C3orf70: variants seen among roughly 807,000 people sequenced by gnomAD.
The protein encoded by C3orf70 is UPF0524 protein C3orf70.
C3orf70 carries 15 observed loss-of-function variants against 20.7 expected under a neutral mutation model. The observed-to-expected ratio is 0.72, with a 90% CI of 0.48 to 1.11. C3orf70 has a LOEUF of 1.11. Among genes scored for constraint, C3orf70 ranks in the 50% most tolerant of loss-of-function variants. The probability of loss-of-function intolerance (pLI) is 0.00; values close to 1 mark genes in which losing one functional copy is unlikely to be tolerated. For synonymous variants in C3orf70, 161 were observed against 125.7 expected (o/e 1.28, Z -1.88); for missense variants, 332 against 317.6 (o/e 1.05, Z -0.34).
At chr3:185,103,635 C>A (rs377551235) in intron 1 of C3orf70, among the ~76,000 whole-genome samples, 3 of 152,254 alleles carry the variant, frequency 2.0e-5, no homozygotes, top group East Asian at 3.9e-4. Context: ...ATCAAAACCA[C>A]AATGAGATAC....
intron 1 of C3orf70, among the ~76,000 whole-genome samples, chr3:185,133,201 G>A (rs1716556899): frequency 6.6e-6 from 1 of 152,132 alleles, no homozygotes; most frequent in African/African-American, 2.4e-5. Context: ...GAGAAAACAG[G>A]CATTCTTACA....
At chr3:185,117,454 A>AGAGAGAGAG in intron 1 of C3orf70, among the ~76,000 whole-genome samples, 1 of 142,020 alleles carries the variant, frequency 7.0e-6, no homozygotes, top group African/African-American at 2.8e-5. Flanking sequence ...CACACACAGA[A>AGAGAGAGAG]AGAGAGAGAG....
chr3:185,108,762 C>G (rs998919316), intron 1 of C3orf70, among the ~76,000 whole-genome samples: 1 of 152,222 alleles, frequency 6.6e-6, no homozygotes, highest in South Asian at 2.1e-4. Flanking sequence ...AGTTAATCCT[C>G]GAGGACTGGA....
At chr3:185,112,416 T>C (rs548719673) in intron 1 of C3orf70, among the ~76,000 whole-genome samples, 1 of 152,348 alleles carries the variant, frequency 6.6e-6, no homozygotes, top group East Asian at 1.9e-4. Flanking sequence ...GCAAGCATAA[T>C]TTCACTAGTT....
chr3:185,125,908 A>G (rs573810684), intron 1 of C3orf70, among the ~76,000 whole-genome samples: 1 of 152,320 alleles, frequency 6.6e-6, no homozygotes, highest in Non-Finnish European at 1.5e-5. Context: ...GGAATACATG[A>G]CTGACTATAA....
chr3:185,083,432 A>G lies in C3orf70; in HGVS notation c.328T>C (p.Ser110Pro), dbSNP rs777199280. 12 of 1,614,010 alleles carry G rather than the reference A, an allele frequency of 7.4e-6. No individual in the cohort carries two copies. The highest frequency in any genetic ancestry group is 1.0e-5 in the Non-Finnish European group (12 of 1,180,042). Residue 110 changes from serine (S) to proline (P), a missense_variant, in exon 2 of 2, where the codon TCT (serine) becomes CCT (proline). Physicochemically the swap from Ser to Pro is moderately conservative, Grantham distance 74 (BLOSUM62 -1). Coordinates refer to ENST00000335012, the MANE Select transcript of C3orf70 (RefSeq NM_001025266.3). Reference sequence around the variant, plus strand: ...GGGGGAAGGGGAGGCTGGAAGACAGATGCAAATTTCAAAAAGTGTTCGGTG... The same window carrying G: ...GGGGGAAGGGGAGGCTGGAAGACAGGTGCAAATTTCAAAAAGTGTTCGGTG... ...SLTEHFLKFASVFQPPLPPDS... is the reference protein window; with the variant it reads ...SLTEHFLKFAPVFQPPLPPDS...
intron 1 of C3orf70, among the ~76,000 whole-genome samples, chr3:185,115,352 T>C (rs898547320): frequency 2.6e-5 from 4 of 152,176 alleles, no homozygotes; most frequent in Non-Finnish European, 5.9e-5. Flanking sequence ...AAAAATAAAC[T>C]GATATTCCCC....
rs1282080471 is a variant in C3orf70, at chr3:185,077,528, A to G, written c.*5479T>C. ...AACAAGGATTTTATTACTGATAATG[A>G]CTTTATTTAGCAGTTCCTAGGAAGG... On this transcript the variant is annotated 3_prime_UTR_variant, in exon 2 of 2. Coordinates refer to ENST00000335012, the MANE Select transcript of C3orf70 (RefSeq NM_001025266.3). Among the ~76,000 whole-genome samples, 1 of 152,066 alleles carries G rather than the reference A, an allele frequency of 6.6e-6. No individual in the cohort carries two copies. Among genetic ancestry groups the G allele is most frequent in the Non-Finnish European group, 1.5e-5 (1 of 68,030 alleles).
At chr3:185,092,059 A>G (rs553735798) in intron 1 of C3orf70, among the ~76,000 whole-genome samples, 21 of 148,606 alleles carry the variant, frequency 1.4e-4, no homozygotes, top group African/African-American at 5.2e-4. Flanking sequence ...TCGGCCTCCC[A>G]AAGTGCTGGG....
chr3:185,139,291 G>A (rs1716697546), intron 1 of C3orf70, among the ~76,000 whole-genome samples: 1 of 151,928 alleles, frequency 6.6e-6, no homozygotes, highest in Non-Finnish European at 1.5e-5. Flanking sequence ...GGTGGCTCAC[G>A]CCTGTAATCC....
chr3:185,113,285 C>CAAAAAAAAAAAAAAAAAA (rs55966497), intron 1 of C3orf70, among the ~76,000 whole-genome samples: 11 of 138,278 alleles, frequency 8.0e-5, no homozygotes, highest in South Asian at 2.2e-4. Flanking sequence ...CTAAAAAATA[C>CAAAAAAAAAAAAAAAAAA]AAAAAAGAAA....
intron 1 of C3orf70, among the ~76,000 whole-genome samples, chr3:185,100,162 T>C (rs913993367): frequency 6.6e-6 from 1 of 152,154 alleles, no homozygotes. Context: ...TTAAAAAAGA[T>C]ACTCAGGACC....
chr3:185,151,212 G>T (rs755852486), intron 1 of C3orf70, among the ~76,000 whole-genome samples: 17 of 152,248 alleles, frequency 1.1e-4, no homozygotes, highest in Non-Finnish European at 2.1e-4. Context: ...TGAGAAAACT[G>T]CAAGGTTCCC....
chr3:185,117,842 C>A (rs542086558), intron 1 of C3orf70, among the ~76,000 whole-genome samples: 1 of 152,194 alleles, frequency 6.6e-6, no homozygotes, highest in South Asian at 2.1e-4. Context: ...TGAAAGATAC[C>A]CAAGAACCTA....
At chr3:185,122,649 A>G (rs1384130236) in intron 1 of C3orf70, among the ~76,000 whole-genome samples, 3 of 152,230 alleles carry the variant, frequency 2.0e-5, no homozygotes, top group African/African-American at 7.2e-5. Flanking sequence ...AGCAATACCT[A>G]GAAACATGAT....
At chr3:185,139,199 G>T (rs566617305) in intron 1 of C3orf70, among the ~76,000 whole-genome samples, 2 of 151,460 alleles carry the variant, frequency 1.3e-5, no homozygotes, top group African/African-American at 4.8e-5. Flanking sequence ...GGGGGAGGAG[G>T]AGAAGAGGAA....
chr3:185,149,509 A>C lies in C3orf70; in HGVS notation c.196+3119T>G, dbSNP rs180835482. On this transcript the variant is annotated intron_variant, in intron 1 of 1. Coordinates refer to ENST00000335012, the MANE Select transcript of C3orf70 (RefSeq NM_001025266.3). ...GTGGTCCAGCTGTATTCATATTTTTATTCTGAGTTTCCAAAATAATGTCTC... is the reference window on the plus strand; with the variant it reads ...GTGGTCCAGCTGTATTCATATTTTTCTTCTGAGTTTCCAAAATAATGTCTC... 1.5e-3 allele frequency among the ~76,000 whole-genome samples: 230 copies of C among 151,878 alleles called. 2 individuals are homozygous for C. Among genetic ancestry groups the C allele is most frequent in the African/African-American group, 5.3e-3 (218 of 41,400 alleles).
intron 1 of C3orf70, among the ~76,000 whole-genome samples, chr3:185,100,495 A>G (rs1022670208): frequency 1.3e-5 from 2 of 152,226 alleles, no homozygotes; most frequent in African/African-American, 2.4e-5. Flanking sequence ...TTTGAAACCA[A>G]TGAAAACAAA....
At chr3:185,115,878 C>T (rs1716164066) in intron 1 of C3orf70, among the ~76,000 whole-genome samples, 1 of 152,186 alleles carries the variant, frequency 6.6e-6, no homozygotes, top group Admixed American at 6.5e-5. Flanking sequence ...CATAACGGCA[C>T]TAATCCCATT....
Sources: gnomAD v4.1 joint callset for allele counts (sites outside exome capture counted in the v4.1 genomes callset) on GRCh38, gnomAD v4.1.1 for gene constraint, MANE v1.5 for transcripts, NCBI Gene and HGNC (gene_info 2026-07-23, HGNC 2026-07-21) for gene names.